Variants in OTUD7B observed in about 807,000 individuals in gnomAD.
The protein encoded by OTUD7B is OTU domain-containing protein 7B.
In OTUD7B, 34 loss-of-function variants were observed where a neutral mutation model predicts 82.2. The observed-to-expected ratio is 0.41, with a 90% CI of 0.31 to 0.55. The LOEUF (loss-of-function observed/expected upper bound fraction) is 0.55. OTUD7B is among the 20% of genes least tolerant of loss of function. OTUD7B has a pLI of 0.20. For missense variants in OTUD7B, 944 were observed against 1,062.1 expected (o/e 0.89, Z 1.55); for synonymous variants, 398 against 402.7 (o/e 0.99, Z 0.14).
chr1:150,040,636 C>A, the OTUD7B span, among the ~76,000 whole-genome samples: 1 of 151,740 alleles, frequency 6.6e-6, no homozygotes, highest in Admixed American at 6.6e-5. Context: ...GTGAAAGTAA[C>A]AAATGAATTT....
At chr1:150,014,484 A>T (rs868988853), upstream of OTUD7B, among the ~76,000 whole-genome samples, 2 of 151,812 alleles carry the variant, frequency 1.3e-5, no homozygotes, top group Non-Finnish European at 2.9e-5. Flanking sequence ...ACTCCCTAGG[A>T]ATTTACCCAA....
chr1:150,029,269 C>T, the OTUD7B span, among the ~76,000 whole-genome samples: 1 of 152,082 alleles, frequency 6.6e-6, no homozygotes, highest in Non-Finnish European at 1.5e-5. Context: ...AGTGATAAAA[C>T]AACAATCCCT....
chr1:150,002,528 A>G (rs1191466689), intron 1 of OTUD7B, among the ~76,000 whole-genome samples: 1 of 152,212 alleles, frequency 6.6e-6, no homozygotes, highest in Admixed American at 6.5e-5. Context: ...GGTTAAAAAA[A>G]GACGGTAGAA....
At position 149,944,620 on chromosome 1, in the gene OTUD7B, T is replaced by G; in HGVS notation, c.1769A>C (p.Gln590Pro). 1 of 1,614,058 alleles carries G rather than the reference T, an allele frequency of 6.2e-7. No homozygotes were observed. The highest frequency in any genetic ancestry group is 8.5e-7 in the Non-Finnish European group (1 of 1,180,012). The change falls in exon 12 of 12, where the codon CAG becomes CCG. Residue 590 changes from glutamine (Q) to proline (P), a missense_variant. Physicochemically the swap from Gln to Pro is moderately conservative, Grantham distance 76. Coordinates refer to ENST00000581312, the MANE Select transcript of OTUD7B (RefSeq NM_020205.4). ...SVGNGGSKYS[Q>P]EVMQSLSILR... Reference sequence around the variant, plus strand: ...AATGCTCAGGCTCTGCATCACCTCCTGGCTATACTTGCTCCCTCCGTTACC... The same window carrying G: ...AATGCTCAGGCTCTGCATCACCTCCGGGCTATACTTGCTCCCTCCGTTACC...
the OTUD7B span, chr1:150,053,869 G>T: frequency 5.9e-6 from 2 of 337,626 alleles, no homozygotes; most frequent in Non-Finnish European, 1.1e-5. Flanking sequence ...ACAAGATGGA[G>T]GGTGAACAAG....
chr1:149,977,310 AT>A (rs1650390574), intron 2 of OTUD7B, 115 bp downstream of exon 2: 1 of 739,706 alleles, frequency 1.4e-6, no homozygotes. Flanking sequence ...AGAATTAACT[AT>A]AGGGCCTAAC....
upstream of OTUD7B, among the ~76,000 whole-genome samples, chr1:150,013,995 T>TATATACAC (rs1461049513): frequency 1.6e-5 from 2 of 127,084 alleles, no homozygotes; most frequent in Admixed American, 7.8e-5. Flanking sequence ...CACACATATA[T>TATATACAC]ACACACATAT....
chr1:149,947,121 G>A (rs1647814943), intron 11 of OTUD7B, 130 bp downstream of exon 11: 2 of 531,320 alleles, frequency 3.8e-6, no homozygotes, highest in Non-Finnish European at 7.0e-6. Context: ...ACATCTTCTA[G>A]TTACTTCTAA....
At chr1:149,978,674 G>A (rs1203685535) in intron 1 of OTUD7B, among the ~76,000 whole-genome samples, 1 of 152,074 alleles carries the variant, frequency 6.6e-6, no homozygotes, top group African/African-American at 2.4e-5. Flanking sequence ...TGTCAAATAA[G>A]TTCAACTGAA....
chr1:150,055,640 T>C, the OTUD7B span, among the ~76,000 whole-genome samples: 4 of 152,138 alleles, frequency 2.6e-5, no homozygotes, highest in Admixed American at 2.0e-4. Context: ...TCAAACTAAA[T>C]GCCCATCAAT....
chr1:150,041,285 A>G, the OTUD7B span, among the ~76,000 whole-genome samples: 1 of 151,922 alleles, frequency 6.6e-6, no homozygotes, highest in South Asian at 2.1e-4. Context: ...AATCTTCACT[A>G]TTTCTGTGAT....
intron 1 of OTUD7B, among the ~76,000 whole-genome samples, chr1:150,001,816 A>C (rs1226733962): frequency 6.6e-6 from 1 of 152,188 alleles, no homozygotes; most frequent in African/African-American, 2.4e-5. Context: ...AGAATTTAAA[A>C]ATCACAACTC....
intron 1 of OTUD7B, among the ~76,000 whole-genome samples, chr1:149,994,033 C>A (rs587672427): frequency 6.6e-6 from 1 of 152,272 alleles, no homozygotes; most frequent in Non-Finnish European, 1.5e-5. Context: ...CAAAAGGTAT[C>A]AATTAGTACA....
At position 149,970,561 on chromosome 1, in the gene OTUD7B, C is replaced by T. The variant is rs190260717; in HGVS notation, c.274+502G>A. Reference sequence around the variant, plus strand: ...CTCGAACTCCTGACCTCAGGTGATCCACCCACCTCGACCTCCCAAAGTGCT... The same window carrying T: ...CTCGAACTCCTGACCTCAGGTGATCTACCCACCTCGACCTCCCAAAGTGCT... On this transcript the variant is annotated intron_variant, in intron 3 of 11. Transcript: ENST00000581312. Among the ~76,000 whole-genome samples the T allele has an allele frequency of 2.7e-3, 418 of 152,094 alleles. 2 individuals are homozygous for T. Among genetic ancestry groups the T allele is most frequent in the African/African-American group, 9.5e-3 (394 of 41,494 alleles).
intron 1 of OTUD7B, among the ~76,000 whole-genome samples, chr1:150,006,261 T>A (rs1652659311): frequency 2.0e-5 from 3 of 152,094 alleles, no homozygotes; most frequent in African/African-American, 7.2e-5. Context: ...ATCAAGACCA[T>A]CCTGGCTAAC....
chr1:149,987,015 A>G (rs1348731453), intron 1 of OTUD7B, among the ~76,000 whole-genome samples: 3 of 152,228 alleles, frequency 2.0e-5, no homozygotes, highest in East Asian at 1.9e-4. Flanking sequence ...AAGTAACAAG[A>G]TGAGTCTCAA....
the OTUD7B span, among the ~76,000 whole-genome samples, chr1:150,061,508 A>T: frequency 6.6e-6 from 1 of 152,212 alleles, no homozygotes; most frequent in African/African-American, 2.4e-5. Flanking sequence ...ACTGTTAAGA[A>T]CATTCTCATA....
the OTUD7B span, among the ~76,000 whole-genome samples, chr1:150,027,901 A>C: frequency 6.6e-6 from 1 of 152,222 alleles, no homozygotes; most frequent in African/African-American, 2.4e-5. Context: ...TTAATTAGTC[A>C]AGACCATATG....
intron 1 of OTUD7B, among the ~76,000 whole-genome samples, chr1:150,006,196 G>A (rs1198659530): frequency 6.6e-6 from 1 of 152,122 alleles, no homozygotes; most frequent in African/African-American, 2.4e-5. Context: ...ACTGGCTCAC[G>A]CCTGTAATCC....
Sources: gnomAD v4.1 joint callset for allele counts (sites outside exome capture counted in the v4.1 genomes callset) on GRCh38, gnomAD v4.1.1 for gene constraint, MANE v1.5 for transcripts, NCBI Gene and HGNC (gene_info 2026-07-23, HGNC 2026-07-21) for gene names.